The following L3MBTL4 variants were observed in gnomAD, a reference collection of about 807,000 sequenced individuals.
The protein encoded by L3MBTL4 is lethal(3)malignant brain tumor-like protein 4.
In L3MBTL4, 70 loss-of-function variants were observed where a neutral mutation model predicts 84.5. The ratio of observed to expected loss-of-function variants is 0.83; its 90% CI spans 0.68 to 1.01. L3MBTL4 has a LOEUF of 1.01. Among genes scored for constraint, L3MBTL4 ranks in the 50% least tolerant of loss-of-function variants. The pLI is 0.00. For missense variants in L3MBTL4, 715 were observed against 754.8 expected (o/e 0.95, Z 0.62); for synonymous variants, 274 against 259.8 (o/e 1.05, Z -0.52).
At chr18:6,086,975 G>A (rs941641086) in intron 15 of L3MBTL4, among the ~76,000 whole-genome samples, 2 of 152,156 alleles carry the variant, frequency 1.3e-5, no homozygotes, top group African/African-American at 4.8e-5. Context: ...TGCCAAGTCT[G>A]CACAGACAGG....
At chr18:6,346,207 T>C (rs1237144753) in intron 1 of L3MBTL4, among the ~76,000 whole-genome samples, 1 of 150,528 alleles carries the variant, frequency 6.6e-6, no homozygotes, top group Non-Finnish European at 1.5e-5. Context: ...ATTGAAGACT[T>C]AAATATAAGA....
At chr18:6,004,875 G>T (rs1487738417) in intron 16 of L3MBTL4, among the ~76,000 whole-genome samples, 1 of 152,048 alleles carries the variant, frequency 6.6e-6, no homozygotes, top group African/African-American at 2.4e-5. Context: ...TGTTTAACGG[G>T]TGAAGAGTTT....
intron 16 of L3MBTL4, among the ~76,000 whole-genome samples, chr18:6,054,168 C>T (rs1038868451): frequency 2.0e-5 from 3 of 152,086 alleles, no homozygotes; most frequent in South Asian, 2.1e-4. Context: ...TCTTAGTATG[C>T]GAAACTGATG....
chr18:6,314,530 T>C (rs1459435500), intron 1 of L3MBTL4, among the ~76,000 whole-genome samples: 2 of 152,226 alleles, frequency 1.3e-5, no homozygotes, highest in Non-Finnish European at 2.9e-5. Flanking sequence ...TTCTAAATAG[T>C]GTTTTAGATT....
At chr18:6,186,005 T>C (rs1405692324) in intron 12 of L3MBTL4, among the ~76,000 whole-genome samples, 1 of 149,650 alleles carries the variant, frequency 6.7e-6, no homozygotes, top group Admixed American at 6.6e-5. Flanking sequence ...TTATTTTATA[T>C]TTTATTTTAT....
At chr18:6,054,461 A>G (rs2056944021) in intron 16 of L3MBTL4, among the ~76,000 whole-genome samples, 1 of 152,128 alleles carries the variant, frequency 6.6e-6, no homozygotes, top group African/African-American at 2.4e-5. Context: ...GGGGTTTACC[A>G]CACTCAGTAC....
intron 16 of L3MBTL4, among the ~76,000 whole-genome samples, chr18:5,976,744 T>C (rs541007331): frequency 2.0e-5 from 3 of 152,310 alleles, no homozygotes; most frequent in Admixed American, 6.5e-5. Context: ...GAATGAAGGC[T>C]GAATGAACGC....
intron 1 of L3MBTL4, among the ~76,000 whole-genome samples, chr18:6,313,974 G>A (rs1245489938): frequency 6.6e-6 from 1 of 151,986 alleles, no homozygotes; most frequent in Non-Finnish European, 1.5e-5. Context: ...GACAAAAAAG[G>A]AATCAAATAC....
At chr18:6,202,381 T>C (rs1313776894) in intron 12 of L3MBTL4, among the ~76,000 whole-genome samples, 1 of 152,086 alleles carries the variant, frequency 6.6e-6, no homozygotes, top group East Asian at 1.9e-4. Context: ...CTTTTTTACC[T>C]AAATGCAATG....
chr18:6,387,091 A>G (rs1040748721), intron 1 of L3MBTL4, among the ~76,000 whole-genome samples: 1 of 152,160 alleles, frequency 6.6e-6, no homozygotes, highest in Admixed American at 6.5e-5. Flanking sequence ...TACAGAGAAA[A>G]AGAAATGACT....
At chr18:6,074,860 T>A (rs888608271) in intron 16 of L3MBTL4, among the ~76,000 whole-genome samples, 1 of 152,130 alleles carries the variant, frequency 6.6e-6, no homozygotes, top group Non-Finnish European at 1.5e-5. Flanking sequence ...TGGAAATTAT[T>A]TTAATATAAT....
At chr18:6,270,227 C>T (rs946692898) in intron 4 of L3MBTL4, among the ~76,000 whole-genome samples, 2 of 152,224 alleles carry the variant, frequency 1.3e-5, no homozygotes, top group East Asian at 1.9e-4. Flanking sequence ...TGCAGACTCA[C>T]ATTTTAGTCC....
chr18:6,160,015 G>A (rs2043257276), intron 13 of L3MBTL4, among the ~76,000 whole-genome samples: 1 of 152,088 alleles, frequency 6.6e-6, no homozygotes, highest in Non-Finnish European at 1.5e-5. Context: ...GAAGGGGCAG[G>A]AAGGGTGACG....
At chr18:6,016,578 C>T (rs964754553) in intron 16 of L3MBTL4, among the ~76,000 whole-genome samples, 1 of 152,126 alleles carries the variant, frequency 6.6e-6, no homozygotes, top group African/African-American at 2.4e-5. Flanking sequence ...AAGAGACACA[C>T]CGAGTAGTGT....
At chr18:6,023,021 T>C (rs2055341122) in intron 16 of L3MBTL4, among the ~76,000 whole-genome samples, 1 of 152,180 alleles carries the variant, frequency 6.6e-6, no homozygotes, top group Non-Finnish European at 1.5e-5. Context: ...AACAAGGGCC[T>C]GTGGGATGCT....
At chr18:6,142,178 C>T (rs980909215) in intron 13 of L3MBTL4, among the ~76,000 whole-genome samples, 4 of 152,208 alleles carry the variant, frequency 2.6e-5, no homozygotes, top group Non-Finnish European at 5.9e-5. Flanking sequence ...TGTTTAATGT[C>T]TATCTCTCTT....
At chr18:6,085,271 T>C (rs547366941) in intron 15 of L3MBTL4, among the ~76,000 whole-genome samples, 145 of 152,176 alleles carry the variant, frequency 9.5e-4, no homozygotes, top group Non-Finnish European at 2.0e-3. Context: ...GAGTTCGGTA[T>C]GCCTACACCA....
chr18:6,208,079 C>T lies in L3MBTL4; in HGVS notation c.981+5070G>A, dbSNP rs1445570365. Among the ~76,000 whole-genome samples, 9 of 151,752 alleles carry T rather than the reference C, an allele frequency of 5.9e-5. No homozygotes were observed. The East Asian group carries it at 1.7e-3, about 29-fold the overall frequency. On this transcript the variant is annotated intron_variant, in intron 12 of 18. Coordinates refer to ENST00000317931, the MANE Select transcript of L3MBTL4 (RefSeq NM_001330559.2). The stretch of plus-strand genomic sequence containing the variant: ...GCGGCAGGCCATGATTGTGCCACTG[C>T]ACTTTAGCCTAGGCGACAAAACAAG...
intron 6 of L3MBTL4, among the ~76,000 whole-genome samples, chr18:6,244,273 A>G (rs1193407794): frequency 6.6e-6 from 1 of 152,210 alleles, no homozygotes; most frequent in Admixed American, 6.5e-5. Context: ...TCAAGAATAA[A>G]TGCTAGTTGA....
Sources: allele counts gnomAD v4.1 joint callset (sites outside exome capture counted in the v4.1 genomes callset), GRCh38; gene constraint gnomAD v4.1.1; transcripts MANE v1.5; gene names NCBI Gene and HGNC (gene_info 2026-07-23, HGNC 2026-07-21).